Variants in SCHIP1 observed in about 807,000 individuals in gnomAD.
The protein encoded by SCHIP1 is schwannomin interacting protein 1.
SCHIP1 carries 8 observed loss-of-function variants against 29.7 expected under a neutral mutation model. The observed-to-expected ratio is 0.27, with a 90% confidence interval of 0.16 to 0.49. SCHIP1 has a LOEUF of 0.49. Ranked by LOEUF, SCHIP1 falls within the 20% of genes least tolerant of loss-of-function variation. The pLI is 0.99. For synonymous variants in SCHIP1, 76 were observed against 94.9 expected, an observed-to-expected ratio of 0.80 and a Z score of 1.16; for missense variants, 193 against 294.6, an observed-to-expected ratio of 0.66 and a Z score of 2.52.
the SCHIP1 span, among the ~76,000 whole-genome samples, chr3:159,321,679 G>A: frequency 3.9e-5 from 6 of 151,960 alleles, no homozygotes; most frequent in African/African-American, 1.4e-4. Context: ...GCTAAATGAC[G>A]AGTTATTTAT....
chr3:159,855,380 C>T (rs947655440), intron 1 of SCHIP1, among the ~76,000 whole-genome samples: 3 of 151,926 alleles, frequency 2.0e-5, no homozygotes, highest in African/African-American at 7.3e-5. Flanking sequence ...AATAACTTTC[C>T]CTAATTAGAA....
At chr3:159,814,843 G>A in the SCHIP1 span, among the ~76,000 whole-genome samples, 1 of 152,200 alleles carries the variant, frequency 6.6e-6, no homozygotes, top group African/African-American at 2.4e-5. Context: ...TGAAAAATGG[G>A]TATGCTTTGA....
At chr3:159,367,422 G>A in the SCHIP1 span, among the ~76,000 whole-genome samples, 1 of 151,296 alleles carries the variant, frequency 6.6e-6, no homozygotes, top group Admixed American at 6.6e-5. Context: ...AAGTCTCCAG[G>A]AAAAATTCTG....
At chr3:159,529,200 C>T in the SCHIP1 span, among the ~76,000 whole-genome samples, 2 of 152,150 alleles carry the variant, frequency 1.3e-5, no homozygotes, top group African/African-American at 4.8e-5. Flanking sequence ...TGGGTAAAAA[C>T]AGTGGTAACT....
At chr3:159,593,137 T>G in the SCHIP1 span, among the ~76,000 whole-genome samples, 3 of 152,110 alleles carry the variant, frequency 2.0e-5, no homozygotes, top group Non-Finnish European at 4.4e-5. Flanking sequence ...AGACACTATT[T>G]TAGGGCTTGT....
chr3:159,362,199 A>T, the SCHIP1 span, among the ~76,000 whole-genome samples: 1 of 152,222 alleles, frequency 6.6e-6, no homozygotes, highest in South Asian at 2.1e-4. Flanking sequence ...GTTTTCTGGA[A>T]ACCAGTGAAG....
chr3:159,762,281 ATT>A, the SCHIP1 span, among the ~76,000 whole-genome samples: 1 of 152,200 alleles, frequency 6.6e-6, no homozygotes, highest in South Asian at 2.1e-4. Flanking sequence ...TTTTCCAGTT[ATT>A]CCTAAGATTG....
chr3:159,699,656 G>A, the SCHIP1 span, among the ~76,000 whole-genome samples: 2 of 152,188 alleles, frequency 1.3e-5, no homozygotes, highest in South Asian at 2.1e-4. Flanking sequence ...TTGGTAGCCT[G>A]GAGAATCTTA....
chr3:159,635,517 T>A, the SCHIP1 span, among the ~76,000 whole-genome samples: 17 of 152,324 alleles, frequency 1.1e-4, no homozygotes, highest in African/African-American at 3.4e-4. Context: ...ATAATATAGC[T>A]TCTTCTTCCT....
the SCHIP1 span, among the ~76,000 whole-genome samples, chr3:159,473,076 A>T: frequency 6.6e-6 from 1 of 152,174 alleles, no homozygotes; most frequent in African/African-American, 2.4e-5. Flanking sequence ...AACTCAGTTT[A>T]AAAAAAGTAC....
At chr3:159,831,650 CA>C in the SCHIP1 span, among the ~76,000 whole-genome samples, 1 of 152,124 alleles carries the variant, frequency 6.6e-6, no homozygotes, top group Non-Finnish European at 1.5e-5. Context: ...GATACCAAGA[CA>C]GTCAAACTGA....
At chr3:159,286,713 C>G in the SCHIP1 span, among the ~76,000 whole-genome samples, 1 of 152,184 alleles carries the variant, frequency 6.6e-6, no homozygotes, top group Non-Finnish European at 1.5e-5. Context: ...GTTCCCTTTT[C>G]TCTGCAATCT....
the SCHIP1 span, among the ~76,000 whole-genome samples, chr3:159,648,391 T>C: frequency 8.5e-5 from 13 of 152,248 alleles, no homozygotes; most frequent in African/African-American, 3.1e-4. Flanking sequence ...GTGAGTTTCT[T>C]TCCAACTCTA....
the SCHIP1 span, among the ~76,000 whole-genome samples, chr3:159,750,296 T>TAC: frequency 1.3e-3 from 176 of 132,756 alleles, 1 homozygote; most frequent in East Asian, 4.2e-3. Flanking sequence ...TATATATATA[T>TAC]ACACACACAC....
chr3:159,717,879 A>T, the SCHIP1 span, among the ~76,000 whole-genome samples: 2 of 152,234 alleles, frequency 1.3e-5, no homozygotes, highest in Non-Finnish European at 2.9e-5. Context: ...AACTCATTTT[A>T]TGAGGCCAGC....
chr3:159,502,954 G>T, the SCHIP1 span, among the ~76,000 whole-genome samples: 1 of 152,182 alleles, frequency 6.6e-6, no homozygotes, highest in South Asian at 2.1e-4. Flanking sequence ...ACGCTAAAAG[G>T]CGGTAGATTG....
the SCHIP1 span, among the ~76,000 whole-genome samples, chr3:159,493,174 T>G: frequency 6.6e-6 from 1 of 152,184 alleles, no homozygotes; most frequent in South Asian, 2.1e-4. Flanking sequence ...CCATCAAGGC[T>G]AGGAAGAAAC....
the SCHIP1 span, chr3:159,764,492 G>A: frequency 1.3e-6 from 2 of 1,588,478 alleles, no homozygotes; most frequent in Middle Eastern, 1.7e-4. The surrounding 1 kb of genome is among the most constrained non-coding windows in gnomAD (Gnocchi z 6.1). Context: ...GGCAGCAGCA[G>A]CAGCAGCAGC....
the SCHIP1 span, among the ~76,000 whole-genome samples, chr3:159,545,217 G>C: frequency 6.6e-6 from 1 of 152,144 alleles, no homozygotes; most frequent in Non-Finnish European, 1.5e-5. Flanking sequence ...AACTTGATTA[G>C]ATTGAAGGAT....
Sources: gnomAD v4.1 joint callset for allele counts (sites outside exome capture counted in the v4.1 genomes callset) on GRCh38, gnomAD v4.1.1 for gene constraint, Gnocchi (gnomAD v3.1) non-coding constraint, MANE v1.5 for transcripts, NCBI Gene and HGNC (gene_info 2026-07-23, HGNC 2026-07-21) for gene names.